ENTREP1: variants seen among roughly 807,000 people sequenced by gnomAD.
ENTREP1 encodes the protein Friedreich ataxia region gene X123.
the ENTREP1 span, among the ~76,000 whole-genome samples, chr9:69,364,385 A>C: frequency 1.5e-5 from 1 of 67,452 alleles, no homozygotes; most frequent in Non-Finnish European, 3.1e-5. Context: ...GATCCCCTGC[A>C]ATGATTTTTT....
At chr9:69,327,509 A>AT in the ENTREP1 span, among the ~76,000 whole-genome samples, 5 of 152,252 alleles carry the variant, frequency 3.3e-5, no homozygotes, top group South Asian at 1.0e-3. Context: ...CTTAAAAACT[A>AT]TTTTTTGTCT....
chr9:69,386,011 A>G, the ENTREP1 span: 3 of 1,488,966 alleles, frequency 2.0e-6, no homozygotes, highest in Non-Finnish European at 2.7e-6. Flanking sequence ...AGCCAGGTGA[A>G]GGCAGGTGGC....
chr9:69,336,805 G>A, the ENTREP1 span, among the ~76,000 whole-genome samples: 63 of 149,152 alleles, frequency 4.2e-4, no homozygotes, highest in African/African-American at 1.5e-3. Flanking sequence ...TTTGCCTCCC[G>A]GGTTCAAGCA....
At chr9:69,378,774 T>C in the ENTREP1 span, among the ~76,000 whole-genome samples, 21 of 150,938 alleles carry the variant, frequency 1.4e-4, no homozygotes, top group East Asian at 2.3e-3. Flanking sequence ...AAAAAAAGAA[T>C]GACTTCATTC....
chr9:69,352,659 T>C, the ENTREP1 span, among the ~76,000 whole-genome samples: 2 of 152,190 alleles, frequency 1.3e-5, no homozygotes, highest in African/African-American at 2.4e-5. Context: ...GGGCTGCAGT[T>C]CCAGAAGGTC....
At chr9:69,333,259 A>G in the ENTREP1 span, among the ~76,000 whole-genome samples, 18 of 151,980 alleles carry the variant, frequency 1.2e-4, no homozygotes, top group African/African-American at 3.9e-4. Flanking sequence ...GTTTAGGCAT[A>G]TTGCTATTTT....
At chr9:69,342,017 G>A in the ENTREP1 span, among the ~76,000 whole-genome samples, 1 of 151,946 alleles carries the variant, frequency 6.6e-6, no homozygotes, top group Admixed American at 6.6e-5. Context: ...GTCCTCTTTA[G>A]TTACCTCGAT....
the ENTREP1 span, among the ~76,000 whole-genome samples, chr9:69,340,694 T>TGCATGC: frequency 3.6e-4 from 28 of 76,814 alleles, 1 homozygote; most frequent in South Asian, 4.8e-3. Context: ...TGTGTGTGTG[T>TGCATGC]ATGTGTGTGT....
the ENTREP1 span, among the ~76,000 whole-genome samples, chr9:69,345,468 T>G: frequency 6.6e-6 from 1 of 152,234 alleles, no homozygotes; most frequent in Non-Finnish European, 1.5e-5. Flanking sequence ...GTTATATATC[T>G]AAATATATTA....
At chr9:69,362,782 C>A in the ENTREP1 span, among the ~76,000 whole-genome samples, 1 of 152,062 alleles carries the variant, frequency 6.6e-6, no homozygotes, top group Non-Finnish European at 1.5e-5. Flanking sequence ...AGAAAGCAGG[C>A]AGAAAAATGC....
At chr9:69,366,470 T>C in the ENTREP1 span, among the ~76,000 whole-genome samples, 1 of 151,890 alleles carries the variant, frequency 6.6e-6, no homozygotes, top group African/African-American at 2.4e-5. Context: ...AGTTTGTGTT[T>C]TCTCTCATTC....
the ENTREP1 span, chr9:69,385,972 G>A: frequency 1.4e-4 from 224 of 1,583,996 alleles, 2 homozygotes; most frequent in East Asian, 4.0e-3. Flanking sequence ...CAAGCTCTTC[G>A]CAGGGCTGTG....
At chr9:69,339,717 T>C in the ENTREP1 span, among the ~76,000 whole-genome samples, 2 of 152,136 alleles carry the variant, frequency 1.3e-5, no homozygotes, top group Non-Finnish European at 2.9e-5. Context: ...CCCTTCCCCT[T>C]CTCATCCATG....
the ENTREP1 span, among the ~76,000 whole-genome samples, chr9:69,360,711 C>G: frequency 1.3e-5 from 2 of 152,128 alleles, no homozygotes; most frequent in Non-Finnish European, 2.9e-5. Flanking sequence ...TTACTATCAT[C>G]TTTATCATCC....
chr9:69,361,425 A>G, the ENTREP1 span, among the ~76,000 whole-genome samples: 97 of 152,204 alleles, frequency 6.4e-4, 1 homozygote, highest in Non-Finnish European at 1.3e-4. Context: ...AGTTAATATA[A>G]GGTTTCTGAG....
chr9:69,365,492 C>T, the ENTREP1 span, among the ~76,000 whole-genome samples: 3 of 152,112 alleles, frequency 2.0e-5, no homozygotes, highest in African/African-American at 7.2e-5. Context: ...ATATCCCTCA[C>T]CTTGAGTGTT....
At chr9:69,331,602 C>T in the ENTREP1 span, among the ~76,000 whole-genome samples, 2 of 152,136 alleles carry the variant, frequency 1.3e-5, no homozygotes, top group Non-Finnish European at 2.9e-5. Flanking sequence ...TTTCATCTTG[C>T]GCTGGATGGA....
the ENTREP1 span, chr9:69,375,914 C>A: frequency 7.7e-6 from 12 of 1,561,586 alleles, no homozygotes; most frequent in Non-Finnish European, 1.0e-5. Context: ...ACGGAGCCCC[C>A]AAAGAAGGCA....
the ENTREP1 span, chr9:69,392,054 G>C: frequency 1.8e-6 from 1 of 541,452 alleles, no homozygotes; most frequent in Non-Finnish European, 3.3e-6. Flanking sequence ...TCCTCTGCTG[G>C]GCCTCGCAGC....
Sources: gnomAD v4.1 joint callset for allele counts (sites outside exome capture counted in the v4.1 genomes callset) on GRCh38, gnomAD v4.1.1 for gene constraint, MANE v1.5 for transcripts, NCBI Gene and HGNC (gene_info 2026-07-23, HGNC 2026-07-21) for gene names.